ST7: variants seen among roughly 807,000 people sequenced by gnomAD.
ST7 encodes suppressor of tumorigenicity 7 protein.
ST7 carries 28 observed loss-of-function variants against 78.7 expected under a neutral mutation model. That is an observed-to-expected ratio of 0.36 (90% CI 0.26 to 0.49). The LOEUF (loss-of-function observed/expected upper bound fraction) is 0.49, where lower values mean the gene tolerates loss of function less well. Ranked by LOEUF, ST7 falls within the 20% of genes least tolerant of loss-of-function variation. ST7 has a pLI of 0.99. For synonymous variants in ST7, 247 were observed against 249.6 expected, an observed-to-expected ratio of 0.99 and a Z score of 0.10; for missense variants, 418 against 696.0, an observed-to-expected ratio of 0.60 and a Z score of 4.49.
intron 1 of ST7, among the ~76,000 whole-genome samples, chr7:117,026,321 A>C (rs1796179969): frequency 6.6e-6 from 1 of 152,228 alleles, no homozygotes; most frequent in South Asian, 2.1e-4. Context: ...ATAGACTATA[A>C]ATTGTATAGT....
chr7:117,159,282 T>A (rs866954821), intron 9 of ST7, among the ~76,000 whole-genome samples: 17 of 152,306 alleles, frequency 1.1e-4, no homozygotes, highest in Middle Eastern at 6.8e-3. Context: ...GATTCTTCCA[T>A]TGAAATAAAC....
Position 116,953,605 on chromosome 7 carries a change from ATCTGTGGACCGTG to A in ST7, c.67_79del (p.Leu23GlyfsTer16), listed in dbSNP as rs1235089807. 1 of 1,508,118 alleles carries A rather than the reference ATCTGTGGACCGTG, an allele frequency of 6.6e-7. No homozygotes were observed. Among genetic ancestry groups the A allele is most frequent in the South Asian group, 1.2e-5 (1 of 85,924 alleles). The allele number at this position is 1,508,118 out of a possible 1,614,324, so 93.4% of individuals were successfully genotyped here. ...TCCTGCATAGTTTGGTCTTGGACGT[ATCTGTGGACCGTG>A]TGGTTCTTCATCGTGCTATTCCTGG... On this transcript the variant is annotated frameshift_variant, in exon 1 of 16. Transcript: ENST00000323984. LOFTEE classifies it high-confidence loss of function.
chr7:117,217,658 G>A (rs1792794426), intron 13 of ST7, among the ~76,000 whole-genome samples: 1 of 152,172 alleles, frequency 6.6e-6, no homozygotes, highest in Admixed American at 6.5e-5. Flanking sequence ...GATTGAACTA[G>A]GGTGAGCCTT....
intron 2 of ST7, among the ~76,000 whole-genome samples, chr7:117,116,408 T>C (rs554149190): frequency 1.3e-5 from 2 of 152,288 alleles, no homozygotes; most frequent in African/African-American, 4.8e-5. Flanking sequence ...ACACCAAATA[T>C]GTGCGCATTA....
intron 9 of ST7, among the ~76,000 whole-genome samples, chr7:117,165,650 C>G (rs1398555433): frequency 6.6e-6 from 1 of 152,168 alleles, no homozygotes; most frequent in Non-Finnish European, 1.5e-5. Context: ...TTCCTGCTCT[C>G]ACGTTCTTCT....
At chr7:117,097,836 A>C (rs966951742) in intron 1 of ST7, among the ~76,000 whole-genome samples, 6 of 129,768 alleles carry the variant, frequency 4.6e-5, no homozygotes, top group African/African-American at 1.7e-4. Context: ...ATATATATAT[A>C]TATATATGTA....
intron 1 of ST7, chr7:116,954,913 C>G (rs967009822): frequency 1.8e-5 from 5 of 282,844 alleles, no homozygotes; most frequent in African/African-American, 1.1e-4. Context: ...CTTTCAGATA[C>G]TAACTTAAGT....
In ST7 at chr7:117,211,043, T is replaced by C. The variant is rs557534813; in HGVS notation, c.1405+1106T>C. On this transcript the variant is annotated intron_variant, in intron 13 of 15. Transcript: ENST00000323984. ...AATCTGCTCCTCCCTTTTCCGGCCCTTCCCTAACCCAGCAGGAGTCCAAGT... is the reference window on the plus strand; with the variant it reads ...AATCTGCTCCTCCCTTTTCCGGCCCCTCCCTAACCCAGCAGGAGTCCAAGT... 1.6e-3 allele frequency among the ~76,000 whole-genome samples: 251 copies of C among 152,254 alleles called. 1 individual carries two copies. Among genetic ancestry groups the C allele is most frequent in the African/African-American group, 5.8e-3 (240 of 41,548 alleles).
chr7:117,076,238 T>TA (rs1448841946), intron 1 of ST7, among the ~76,000 whole-genome samples: 1 of 152,190 alleles, frequency 6.6e-6, no homozygotes, highest in Non-Finnish European at 1.5e-5. Context: ...AGTAACAATT[T>TA]AAAAAATAGA....
intron 1 of ST7, among the ~76,000 whole-genome samples, chr7:117,064,620 C>T (rs1798535205): frequency 6.6e-6 from 1 of 152,178 alleles, no homozygotes; most frequent in African/African-American, 2.4e-5. Context: ...TGAACTTTGC[C>T]AAACTATCTC....
intron 8 of ST7, 24 bp from the exon 9 acceptor site, chr7:117,138,411 G>A: frequency 2.7e-6 from 4 of 1,459,254 alleles, no homozygotes; most frequent in Non-Finnish European, 3.7e-6. Context: ...TTTAAATGTT[G>A]GTGTTTTATA....
At chr7:116,964,010 T>C (rs1185748393) in intron 1 of ST7, among the ~76,000 whole-genome samples, 2 of 152,188 alleles carry the variant, frequency 1.3e-5, no homozygotes, top group East Asian at 1.9e-4. Flanking sequence ...TTTAAAGGCA[T>C]CTCTTAGGTC....
At chr7:117,000,973 C>T (rs1585122990) in intron 1 of ST7, among the ~76,000 whole-genome samples, 1 of 152,210 alleles carries the variant, frequency 6.6e-6, no homozygotes, top group East Asian at 1.9e-4. Context: ...GGATGTTTTT[C>T]TGTATTGTAG....
chr7:117,018,310 C>T (rs775087877), intron 1 of ST7, among the ~76,000 whole-genome samples: 22 of 152,110 alleles, frequency 1.4e-4, no homozygotes, highest in Non-Finnish European at 5.9e-5. Context: ...CTTTAAGGTT[C>T]CACCCTTTTG....
intron 1 of ST7, among the ~76,000 whole-genome samples, chr7:117,016,195 C>T (rs1175817894): frequency 1.3e-5 from 2 of 152,108 alleles, no homozygotes; most frequent in African/African-American, 4.8e-5. Flanking sequence ...GTATCTGTGT[C>T]TTGTGTGTGC....
chr7:117,202,771 G>C (rs535011544), intron 12 of ST7, among the ~76,000 whole-genome samples: 36 of 152,248 alleles, frequency 2.4e-4, no homozygotes, highest in Non-Finnish European at 4.7e-4. Context: ...TGTCCTCCTA[G>C]GAGAGCCAGG....
intron 13 of ST7, among the ~76,000 whole-genome samples, chr7:117,213,413 AATTCTT>A (rs1792443917): frequency 6.6e-6 from 1 of 152,190 alleles, no homozygotes; most frequent in Non-Finnish European, 1.5e-5. Context: ...ATTTAAAACA[AATTCTT>A]AGTTTCTGTC....
chr7:117,053,093 T>A (rs776746805), intron 1 of ST7, among the ~76,000 whole-genome samples: 7 of 151,292 alleles, frequency 4.6e-5, no homozygotes, highest in Non-Finnish European at 1.0e-4. Flanking sequence ...TTTCCTGTTG[T>A]TGAGCATTTA....
rs6977413 is a variant in ST7 at position 117,218,754 on chromosome 7, A to G, written c.1406-330A>G. ...TTGCATGATTACTATTTGTTTAGCT[A>G]TATTGAATTAGTGCCCATAACATTT... On this transcript the variant is annotated intron_variant, in intron 13 of 15. Transcript: ENST00000323984. 6.8e-3 allele frequency among the ~76,000 whole-genome samples: 1,031 copies of G among 152,300 alleles called. 11 individuals are homozygous for G. Among genetic ancestry groups the G allele is most frequent in the African/African-American group, 0.022 (932 of 41,558 alleles).
Sources: gnomAD v4.1 joint callset for allele counts (sites outside exome capture counted in the v4.1 genomes callset) on GRCh38, gnomAD v4.1.1 for gene constraint, MANE v1.5 for transcripts, NCBI Gene and HGNC (gene_info 2026-07-23, HGNC 2026-07-21) for gene names.